POU6F2: variants seen among roughly 807,000 people sequenced by gnomAD.
The protein encoded by POU6F2 is POU domain, class 6, transcription factor 2.
In POU6F2, 31 loss-of-function variants were observed where a neutral mutation model predicts 71.3. The observed-to-expected ratio is 0.43, with a 90% CI of 0.33 to 0.59. The LOEUF is 0.59. Among genes scored for constraint, POU6F2 ranks in the 20% least tolerant of loss-of-function variants. The probability of loss-of-function intolerance (pLI) is 0.04; values close to 1 mark genes in which losing one functional copy is unlikely to be tolerated. For synonymous variants in POU6F2, 347 were observed against 355.7 expected (o/e 0.98, Z 0.27); for missense variants, 783 against 856.8 (o/e 0.91, Z 1.07).
chr7:39,184,247 C>T (rs1269943192), intron 2 of POU6F2, among the ~76,000 whole-genome samples: 4 of 152,294 alleles, frequency 2.6e-5, no homozygotes, highest in Non-Finnish European at 5.9e-5. Flanking sequence ...TTTTGGTTAT[C>T]TTTCCCCCTT....
chr7:39,031,057 C>T (rs189727533), intron 1 of POU6F2, among the ~76,000 whole-genome samples: 94 of 151,978 alleles, frequency 6.2e-4, no homozygotes, highest in African/African-American at 2.1e-3. Flanking sequence ...CCCACCACCG[C>T]GTCTGGCTAA....
At chr7:39,324,952 C>T (rs1036602703) in intron 4 of POU6F2, among the ~76,000 whole-genome samples, 17 of 152,138 alleles carry the variant, frequency 1.1e-4, no homozygotes, top group African/African-American at 4.1e-4. Flanking sequence ...CTAATTTGCA[C>T]ATCAATACAA....
chr7:39,188,000 T>C (rs2128742718), intron 2 of POU6F2, among the ~76,000 whole-genome samples: 1 of 152,358 alleles, frequency 6.6e-6, no homozygotes. Flanking sequence ...AATGCTTCCT[T>C]CTTTCCTTCT....
intron 1 of POU6F2, among the ~76,000 whole-genome samples, chr7:39,044,186 T>C (rs1790247136): frequency 6.6e-6 from 1 of 151,944 alleles, no homozygotes; most frequent in African/African-American, 2.4e-5. Context: ...TGTGACCCAT[T>C]AGAAAATTTT....
chr7:39,406,448 G>A (rs1202467357), intron 5 of POU6F2, 152 bp from the exon 6 acceptor site: 5 of 802,722 alleles, frequency 6.2e-6, no homozygotes, highest in African/African-American at 3.5e-5. Flanking sequence ...CAGAGCTTCC[G>A]GGGGAATGTT....
intron 4 of POU6F2, among the ~76,000 whole-genome samples, chr7:39,293,935 C>T (rs931198342): frequency 2.0e-5 from 3 of 152,010 alleles, no homozygotes; most frequent in Admixed American, 2.0e-4. Context: ...GGAGGTCCAG[C>T]TTGGTCTGCA....
intron 4 of POU6F2, among the ~76,000 whole-genome samples, chr7:39,275,181 CT>C (rs760875826): frequency 6.6e-6 from 1 of 152,188 alleles, no homozygotes; most frequent in Non-Finnish European, 1.5e-5. Context: ...TCTCCTTAAG[CT>C]CTTAAGCAAC....
At chr7:39,004,644 C>T (rs1789006055) in intron 1 of POU6F2, among the ~76,000 whole-genome samples, 1 of 152,188 alleles carries the variant, frequency 6.6e-6, no homozygotes, top group African/African-American at 2.4e-5. Context: ...CTTCATCCCA[C>T]AGTTTAACCT....
chr7:39,249,290 C>G (rs1435392855), intron 4 of POU6F2, among the ~76,000 whole-genome samples: 1 of 152,182 alleles, frequency 6.6e-6, no homozygotes, highest in East Asian at 1.9e-4. Flanking sequence ...CTCCCTAACC[C>G]TCCACTTAAC....
chr7:39,303,037 G>C (rs573078330), intron 4 of POU6F2, among the ~76,000 whole-genome samples: 1 of 152,344 alleles, frequency 6.6e-6, no homozygotes, highest in African/African-American at 2.4e-5. Flanking sequence ...CATGCTGTTG[G>C]CTGGGGATTC....
intron 4 of POU6F2, among the ~76,000 whole-genome samples, chr7:39,270,231 G>A (rs1329682641): frequency 2.0e-5 from 3 of 152,186 alleles, no homozygotes; most frequent in African/African-American, 2.4e-5. Flanking sequence ...CTTGTGACAC[G>A]TGATTAATAA....
chr7:39,422,998 A>G (rs1415774511), intron 6 of POU6F2, among the ~76,000 whole-genome samples: 1 of 152,228 alleles, frequency 6.6e-6, no homozygotes. Flanking sequence ...TTTAATTTCC[A>G]TATCTGTAGA....
At chr7:39,213,924 A>G (rs1191601513) in intron 4 of POU6F2, among the ~76,000 whole-genome samples, 1 of 152,138 alleles carries the variant, frequency 6.6e-6, no homozygotes, top group African/African-American at 2.4e-5. Context: ...CCTTGGCCAC[A>G]TCTGATGAGG....
At chr7:39,025,461 T>A (rs1200701966) in intron 1 of POU6F2, among the ~76,000 whole-genome samples, 1 of 152,282 alleles carries the variant, frequency 6.6e-6, no homozygotes, top group East Asian at 1.9e-4. Context: ...TACAACTATC[T>A]GTTCTTTGAC....
intron 2 of POU6F2, among the ~76,000 whole-genome samples, chr7:39,094,386 T>C (rs971373446): frequency 6.6e-6 from 1 of 152,162 alleles, no homozygotes; most frequent in African/African-American, 2.4e-5. Context: ...GGGATAGACA[T>C]ATATCACAAT....
At chr7:38,980,993 G>A (rs1364393974) in intron 1 of POU6F2, among the ~76,000 whole-genome samples, 1 of 152,090 alleles carries the variant, frequency 6.6e-6, no homozygotes, top group Non-Finnish European at 1.5e-5. Flanking sequence ...AAGCAATTAA[G>A]CAGTCTAGTA....
chr7:39,352,426 A>G (rs778565493), intron 5 of POU6F2, among the ~76,000 whole-genome samples: 1 of 152,182 alleles, frequency 6.6e-6, no homozygotes, highest in Non-Finnish European at 1.5e-5. Flanking sequence ...CATAGCTTCA[A>G]CACTCTTTTT....
intron 2 of POU6F2, among the ~76,000 whole-genome samples, chr7:39,144,821 A>C (rs1314073849): frequency 6.6e-6 from 1 of 152,214 alleles, no homozygotes; most frequent in Non-Finnish European, 1.5e-5. Context: ...CTTCCAGGGC[A>C]TTAGACACAC....
At chr7:39,355,307 C>T (rs997615846) in intron 5 of POU6F2, among the ~76,000 whole-genome samples, 2 of 152,112 alleles carry the variant, frequency 1.3e-5, no homozygotes, top group Non-Finnish European at 2.9e-5. Context: ...TAGAAAATGC[C>T]AGAGCACAGA....
Sources: gnomAD v4.1 joint callset for allele counts (sites outside exome capture counted in the v4.1 genomes callset) on GRCh38, gnomAD v4.1.1 for gene constraint, MANE v1.5 for transcripts, NCBI Gene and HGNC (gene_info 2026-07-23, HGNC 2026-07-21) for gene names.